Variants in KATNIP observed in about 807,000 individuals in gnomAD.
KATNIP encodes the protein katanin interacting protein, also known as katanin-interacting protein.
A neutral mutation model predicts 174.0 loss-of-function variants in KATNIP; 126 were observed. That is an observed-to-expected ratio of 0.72 (90% CI 0.63 to 0.84). The LOEUF is 0.84. KATNIP is among the 40% of genes least tolerant of loss of function. The pLI is 0.00. For synonymous variants in KATNIP, 810 were observed against 835.7 expected, an observed-to-expected ratio of 0.97 and a Z score of 0.53; for missense variants, 1,958 against 2,109.7, an observed-to-expected ratio of 0.93 and a Z score of 1.41.
intron 1 of KATNIP, among the ~76,000 whole-genome samples, chr16:27,554,821 T>A (rs1030001369): frequency 2.2e-5 from 3 of 137,252 alleles, no homozygotes; most frequent in African/African-American, 8.4e-5. Flanking sequence ...TGAGACAGAG[T>A]CTCGCCCTGT....
intron 2 of KATNIP, among the ~76,000 whole-genome samples, chr16:27,606,562 A>G (rs1187163961): frequency 2.0e-5 from 3 of 151,988 alleles, no homozygotes; most frequent in Non-Finnish European, 2.9e-5. Flanking sequence ...AAGGAAAGAA[A>G]GGGATGTATT....
chr16:27,573,844 AT>A, intron 1 of KATNIP, 56 bp from the exon 2 acceptor site: 1 of 1,534,716 alleles, frequency 6.5e-7, no homozygotes, highest in Non-Finnish European at 9.0e-7. Context: ...TTTTGTGTTG[AT>A]AAACTAGCTG....
At chr16:27,698,863 C>T (rs908652142) in intron 9 of KATNIP, among the ~76,000 whole-genome samples, 1 of 152,194 alleles carries the variant, frequency 6.6e-6, no homozygotes, top group Non-Finnish European at 1.5e-5. Context: ...GTCTCATTCC[C>T]GAGCGTGGGC....
chr16:27,716,970 A>G (rs12926150), intron 13 of KATNIP, among the ~76,000 whole-genome samples: 28,019 of 151,850 alleles, frequency 0.18, 2,968 homozygotes, highest in African/African-American at 0.29. Flanking sequence ...TCATCCTCCC[A>G]AGTGGCTGGG....
intron 2 of KATNIP, among the ~76,000 whole-genome samples, chr16:27,601,328 T>C (rs1284512988): frequency 6.6e-6 from 1 of 152,096 alleles, no homozygotes; most frequent in Admixed American, 6.6e-5. Context: ...GAGGTGCTAC[T>C]GGGTGAGGAG....
At chr16:27,602,221 C>T (rs2075550899) in intron 2 of KATNIP, among the ~76,000 whole-genome samples, 1 of 152,182 alleles carries the variant, frequency 6.6e-6, no homozygotes, top group African/African-American at 2.4e-5. Flanking sequence ...CTGTGGAAAC[C>T]TTCTGAGCCT....
chr16:27,652,562 G>A (rs2077151150), intron 6 of KATNIP, among the ~76,000 whole-genome samples: 1 of 152,138 alleles, frequency 6.6e-6, no homozygotes, highest in Admixed American at 6.5e-5. Context: ...GCTCACATCT[G>A]TAATACCAGC....
chr16:27,628,512 CTGTT>C, intron 3 of KATNIP, 145 bp from the exon 4 acceptor site: 1 of 807,124 alleles, frequency 1.2e-6, no homozygotes, highest in South Asian at 1.7e-5. Context: ...CTGTCAGAGG[CTGTT>C]TGTAGACAAA....
At chr16:27,747,974 C>T (rs572529774) in intron 15 of KATNIP, among the ~76,000 whole-genome samples, 10 of 152,160 alleles carry the variant, frequency 6.6e-5, no homozygotes, top group South Asian at 6.2e-4. Flanking sequence ...TTGATGGAGC[C>T]GAGCCCCCTA....
In KATNIP at chr16:27,751,878, G is replaced by A. The variant is rs748611397; in HGVS notation, c.3506G>A (p.Gly1169Glu). 1 of 1,613,336 alleles carries A rather than the reference G, an allele frequency of 6.2e-7. No individual in the cohort carries two copies. The highest frequency in any genetic ancestry group is 2.2e-5 in the East Asian group (1 of 44,880). The stretch of plus-strand genomic sequence containing the variant: ...AGGCCCAGCACGGCCGACGGCGAGG[G>A]GGATGAGCGGCCCTTCACCCAGGCT... ...MRRPSTADGE[G>E]DERPFTQAGL... Residue 1169 changes from glycine to glutamate, a missense_variant, in exon 17 of 28, where the codon GGG becomes GAG. Physicochemically the swap from Gly to Glu is moderately conservative, Grantham distance 98. Coordinates refer to ENST00000261588, the MANE Select transcript of KATNIP (RefSeq NM_015202.5).
intron 13 of KATNIP, among the ~76,000 whole-genome samples, chr16:27,710,726 T>C (rs2079539444): frequency 6.6e-6 from 1 of 152,190 alleles, no homozygotes; most frequent in South Asian, 2.1e-4. Flanking sequence ...ATGGTTTCTC[T>C]GGCCTCAAGT....
At chr16:27,700,088 T>A (rs2142988574) in intron 10 of KATNIP, among the ~76,000 whole-genome samples, 1 of 151,942 alleles carries the variant, frequency 6.6e-6, no homozygotes, top group South Asian at 2.1e-4. Flanking sequence ...ATTTTTGTAT[T>A]TTTACTAGAG....
intron 13 of KATNIP, among the ~76,000 whole-genome samples, chr16:27,720,530 G>A (rs1441276692): frequency 8.0e-6 from 1 of 124,226 alleles, no homozygotes; most frequent in African/African-American, 3.1e-5. Flanking sequence ...TCTTCCATGT[G>A]CCAAGGAACT....
intron 9 of KATNIP, among the ~76,000 whole-genome samples, chr16:27,698,903 C>T (rs893045044): frequency 2.9e-4 from 44 of 152,194 alleles, no homozygotes; most frequent in African/African-American, 1.1e-3. Context: ...GTCACTGCTC[C>T]CTATTGTCCT....
intron 13 of KATNIP, 69 bp from the exon 14 acceptor site, chr16:27,721,489 C>A: frequency 1.3e-6 from 2 of 1,587,036 alleles, no homozygotes; most frequent in Non-Finnish European, 1.7e-6. Context: ...GCCAAAGAGC[C>A]GCTGCCATTT....
intron 10 of KATNIP, among the ~76,000 whole-genome samples, chr16:27,700,517 G>T (rs2079059013): frequency 6.6e-6 from 1 of 152,180 alleles, no homozygotes; most frequent in Non-Finnish European, 1.5e-5. Context: ...GACAATCACA[G>T]CTGCTAATAT....
At chr16:27,627,498 T>G (rs2076368565) in intron 3 of KATNIP, among the ~76,000 whole-genome samples, 1 of 152,170 alleles carries the variant, frequency 6.6e-6, no homozygotes. Flanking sequence ...ATACACAAGG[T>G]TCTGTGTTGA....
chr16:27,741,097 T>C (rs556961882), intron 15 of KATNIP, among the ~76,000 whole-genome samples, 177 bp downstream of exon 15: 59 of 152,330 alleles, frequency 3.9e-4, no homozygotes, highest in African/African-American at 1.4e-3. Context: ...ATGAGTGAAA[T>C]GGGCAAGACA....
Position 27,751,720 on chromosome 16 carries a change from C to A in KATNIP, c.3348C>A (p.Ala1116=), listed in dbSNP as rs771168490. 1 of 1,614,080 alleles carries A rather than the reference C, an allele frequency of 6.2e-7. No individual in the cohort carries two copies. Among genetic ancestry groups the A allele is most frequent in the Non-Finnish European group, 8.5e-7 (1 of 1,179,950 alleles). ...IAKASGTLAG[A]PEHFGDTILF... is the part of the protein sequence containing the mutation. ...TCTGTCATCTTGATAACCCATTAGC[C>A]CCAGAGCACTTTGGAGACACGATCT... is the stretch of plus-strand genomic sequence containing the variant. Residue 1116 remains alanine (A), a splice_region_variant and synonymous_variant, in exon 17 of 28, where the codon GCC becomes GCA. Transcript: ENST00000261588.
Sources: allele counts gnomAD v4.1 joint callset (sites outside exome capture counted in the v4.1 genomes callset), GRCh38; gene constraint gnomAD v4.1.1; transcripts MANE v1.5; gene names NCBI Gene and HGNC (gene_info 2026-07-23, HGNC 2026-07-21).